THSD7B: variants seen among roughly 807,000 people sequenced by gnomAD.
THSD7B encodes thrombospondin type 1 domain containing 7B.
A neutral mutation model predicts 213.6 loss-of-function variants in THSD7B; 138 were observed. That is an observed-to-expected ratio of 0.65 (90% CI 0.56 to 0.74). The LOEUF is 0.74. Ranked by LOEUF, THSD7B falls within the 30% of genes least tolerant of loss-of-function variation. THSD7B has a pLI of 0.00. For synonymous variants in THSD7B, 742 were observed against 687.0 expected (o/e 1.08, Z -1.25); for missense variants, 1,931 against 1,991.5 (o/e 0.97, Z 0.58).
At chr2:137,090,258 C>A (rs143611227) in intron 3 of THSD7B, among the ~76,000 whole-genome samples, 1 of 151,966 alleles carries the variant, frequency 6.6e-6, no homozygotes, top group African/African-American at 2.4e-5. Flanking sequence ...TCTGAGGAGA[C>A]AGAAATAAAA....
intron 2 of THSD7B, among the ~76,000 whole-genome samples, chr2:137,033,845 G>T (rs923943670): frequency 9.9e-5 from 15 of 151,946 alleles, no homozygotes; most frequent in African/African-American, 3.6e-4. Flanking sequence ...TAATGTGCAG[G>T]CTCCTTACAT....
intron 7 of THSD7B, among the ~76,000 whole-genome samples, chr2:137,190,815 C>T (rs1002815569): frequency 2.6e-5 from 4 of 152,196 alleles, no homozygotes; most frequent in African/African-American, 9.6e-5. Flanking sequence ...CCTTTTCCCT[C>T]GTGTGGAGAG....
intron 12 of THSD7B, among the ~76,000 whole-genome samples, chr2:137,296,436 CA>C (rs1683464668): frequency 6.6e-6 from 1 of 152,066 alleles, no homozygotes; most frequent in African/African-American, 2.4e-5. Context: ...GGCTAACATA[CA>C]AGTTGGTAAG....
At chr2:137,166,674 A>G (rs1159035711) in intron 6 of THSD7B, among the ~76,000 whole-genome samples, 2 of 152,216 alleles carry the variant, frequency 1.3e-5, no homozygotes, top group East Asian at 3.8e-4. Flanking sequence ...ATTAGATAAC[A>G]TGCTAAAGTT....
intron 15 of THSD7B, among the ~76,000 whole-genome samples, chr2:137,503,302 C>A (rs553373394): frequency 6.6e-6 from 1 of 152,254 alleles, no homozygotes; most frequent in Non-Finnish European, 1.5e-5. Context: ...TTCTCCTACC[C>A]TAATCAGTAT....
At position 137,271,413 on chromosome 2, in the gene THSD7B, TA is replaced by T. The variant is rs1285704732; in HGVS notation, c.2267-1118del. Among the ~76,000 whole-genome samples, 126 of 140,756 alleles carry T rather than the reference TA, an allele frequency of 9.0e-4. 2 individuals carry two copies. The East Asian group carries it at 0.019, about 21-fold the overall frequency. The allele number at this position is 140,756 out of a possible 152,430, so 92.3% of individuals were successfully genotyped here. Reference sequence around the variant, plus strand: ...TTATGAATTATATATATATGAATTATAATATATAATTATATAATATATATAA... The same window carrying T: ...TTATGAATTATATATATATGAATTATATATATAATTATATAATATATATAA... On this transcript the variant is annotated intron_variant, in intron 10 of 27. Coordinates refer to ENST00000409968, the MANE Select transcript of THSD7B (RefSeq NM_001316349.2).
At chr2:137,249,430 C>A (rs1682119071) in intron 10 of THSD7B, among the ~76,000 whole-genome samples, 1 of 152,084 alleles carries the variant, frequency 6.6e-6, no homozygotes, top group Non-Finnish European at 1.5e-5. Flanking sequence ...AACTCTTAGT[C>A]TGGTCTAAAC....
At chr2:137,475,818 C>T (rs557926825) in intron 15 of THSD7B, among the ~76,000 whole-genome samples, 2 of 152,070 alleles carry the variant, frequency 1.3e-5, no homozygotes, top group Non-Finnish European at 2.9e-5. Context: ...GATTTCTTTC[C>T]TTTGGATAAA....
At chr2:137,334,010 C>G (rs1006954873) in intron 12 of THSD7B, among the ~76,000 whole-genome samples, 2 of 152,154 alleles carry the variant, frequency 1.3e-5, no homozygotes, top group Non-Finnish European at 2.9e-5. Context: ...TGGTTTCTGT[C>G]ACAACTACTC....
At chr2:136,777,154 T>A (rs777521321) in intron 1 of THSD7B, among the ~76,000 whole-genome samples, 2 of 152,166 alleles carry the variant, frequency 1.3e-5, no homozygotes, top group Non-Finnish European at 2.9e-5. Flanking sequence ...GATTATGCAT[T>A]CTCTTGGATT....
At chr2:136,951,575 G>T (rs1685039442) in intron 2 of THSD7B, among the ~76,000 whole-genome samples, 1 of 152,154 alleles carries the variant, frequency 6.6e-6, no homozygotes, top group Non-Finnish European at 1.5e-5. Flanking sequence ...GAGGAGAATA[G>T]TGATTTAAAA....
intron 17 of THSD7B, among the ~76,000 whole-genome samples, chr2:137,582,594 G>GT (rs1681606298): frequency 6.7e-6 from 1 of 149,620 alleles, no homozygotes; most frequent in Non-Finnish European, 1.5e-5. Flanking sequence ...GTGGTGTTTG[G>GT]TTTTTTGTCC....
chr2:137,376,646 A>G (rs147457259), intron 12 of THSD7B, among the ~76,000 whole-genome samples: 1 of 152,226 alleles, frequency 6.6e-6, no homozygotes, highest in Non-Finnish European at 1.5e-5. Flanking sequence ...TCTCTTGTAC[A>G]TGTACATAAA....
At chr2:137,447,366 C>A (rs1183444826) in intron 14 of THSD7B, among the ~76,000 whole-genome samples, 1 of 152,098 alleles carries the variant, frequency 6.6e-6, no homozygotes, top group South Asian at 2.1e-4. Flanking sequence ...TTATCTGAAA[C>A]CTCCTGGAAT....
intron 5 of THSD7B, among the ~76,000 whole-genome samples, chr2:137,119,937 A>G (rs1017463323): frequency 2.0e-5 from 3 of 152,186 alleles, no homozygotes; most frequent in Admixed American, 2.0e-4. Context: ...GACTGGAAAT[A>G]TCTTTCACCT....
chr2:137,443,584 T>C (rs1311711404), intron 14 of THSD7B, among the ~76,000 whole-genome samples: 1 of 152,102 alleles, frequency 6.6e-6, no homozygotes, highest in Non-Finnish European at 1.5e-5. Flanking sequence ...AATCCTTTAC[T>C]AAAGAGAACA....
At chr2:137,400,275 G>C (rs961969621) in intron 12 of THSD7B, among the ~76,000 whole-genome samples, 2 of 151,934 alleles carry the variant, frequency 1.3e-5, no homozygotes, top group Admixed American at 6.6e-5. Flanking sequence ...ATGTTTCTTT[G>C]AGGGTGTTGT....
At chr2:137,471,175 C>A (rs890136594) in intron 15 of THSD7B, among the ~76,000 whole-genome samples, 1 of 151,980 alleles carries the variant, frequency 6.6e-6, no homozygotes, top group African/African-American at 2.4e-5. Context: ...CCAGCCTCGG[C>A]CCCCCAAAGT....
chr2:137,098,554 T>C (rs1375558573), intron 4 of THSD7B, among the ~76,000 whole-genome samples: 1 of 152,128 alleles, frequency 6.6e-6, no homozygotes, highest in Non-Finnish European at 1.5e-5. Context: ...AATTAAACAA[T>C]GTCCCTAGAA....
Sources: gnomAD v4.1 joint callset for allele counts (sites outside exome capture counted in the v4.1 genomes callset) on GRCh38, gnomAD v4.1.1 for gene constraint, MANE v1.5 for transcripts, NCBI Gene and HGNC (gene_info 2026-07-23, HGNC 2026-07-21) for gene names.